The following CAMK1D variants were observed in gnomAD, a reference collection of about 807,000 sequenced individuals.
CAMK1D encodes the protein calcium/calmodulin dependent protein kinase ID.
A neutral mutation model predicts 47.7 loss-of-function variants in CAMK1D; 9 were observed. The observed-to-expected ratio is 0.19, with a 90% confidence interval of 0.11 to 0.33. The LOEUF is 0.33. Among genes scored for constraint, CAMK1D ranks in the 10% least tolerant of loss-of-function variants. The pLI is 1.00. For synonymous variants in CAMK1D, 184 were observed against 184.9 expected (o/e 0.99, Z 0.04); for missense variants, 291 against 488.7 (o/e 0.60, Z 3.81).
chr10:12,672,967 G>A (rs1840678492), intron 3 of CAMK1D, among the ~76,000 whole-genome samples: 1 of 143,950 alleles, frequency 6.9e-6, no homozygotes, highest in Non-Finnish European at 1.5e-5. Context: ...CACGATATTG[G>A]CTCACTGCAA....
chr10:12,591,554 G>A (rs1837995646), intron 2 of CAMK1D, among the ~76,000 whole-genome samples: 1 of 152,204 alleles, frequency 6.6e-6, no homozygotes, highest in Admixed American at 6.5e-5. Context: ...TGAATAAATA[G>A]CTTCGGCTTT....
chr10:12,491,052 C>G (rs1406570179), intron 1 of CAMK1D, among the ~76,000 whole-genome samples: 4 of 152,094 alleles, frequency 2.6e-5, no homozygotes, highest in Admixed American at 6.6e-5. Flanking sequence ...TGTGCAGATG[C>G]TGGGGATTTG....
chr10:12,827,512 TTC>T lies in CAMK1D; in HGVS notation c.1040-1255_1040-1254del, dbSNP rs1393225802. Reference sequence around the variant, plus strand: ...TTTCTTTCTTTCTTTCTTTCTTTCTTTCTTTCTTTCTTTCTTTCTTTCTTTCT... The same window carrying T: ...TTTCTTTCTTTCTTTCTTTCTTTCTTTTTCTTTCTTTCTTTCTTTCTTTCT... On this transcript the variant is annotated intron_variant, in intron 10 of 10. Coordinates refer to ENST00000619168, the MANE Select transcript of CAMK1D (RefSeq NM_153498.4). Among the ~76,000 whole-genome samples the T allele has an allele frequency of 1.1e-4, 2 of 18,542 alleles. 1 individual carries two copies. The highest frequency in any genetic ancestry group is 3.2e-4 in the African/African-American group (2 of 6,194). The allele number at this position is 18,542 out of a possible 152,430, so 12.2% of individuals were successfully genotyped here.
chr10:12,622,691 C>T lies in CAMK1D; in HGVS notation c.225-44045C>T, dbSNP rs140496884. On this transcript the variant is annotated intron_variant, in intron 2 of 10. Coordinates refer to ENST00000619168, the MANE Select transcript of CAMK1D (RefSeq NM_153498.4). ...TCCTTAATCCATGTGCTCTTGGTCT[C>T]CCTGAAAGGAGACAAACGCTGCCCT... Among the ~76,000 whole-genome samples the T allele has an allele frequency of 7.2e-5, 11 of 152,250 alleles. No homozygotes were observed. In the East Asian group the frequency reaches 2.1e-3, roughly 29 times the overall value.
intron 3 of CAMK1D, among the ~76,000 whole-genome samples, chr10:12,751,299 A>G (rs1414489947): frequency 1.3e-5 from 2 of 152,112 alleles, no homozygotes; most frequent in Non-Finnish European, 2.9e-5. Flanking sequence ...TCTGTCACCC[A>G]TGCTGGAGTG....
intron 1 of CAMK1D, among the ~76,000 whole-genome samples, chr10:12,478,791 T>C (rs1335505275): frequency 4.6e-5 from 7 of 152,152 alleles, no homozygotes; most frequent in Middle Eastern, 3.2e-3. Context: ...CTCTCTCTCA[T>C]GCTCTCCTTT....
intron 1 of CAMK1D, among the ~76,000 whole-genome samples, chr10:12,416,193 A>G (rs901872790): frequency 1.3e-5 from 2 of 152,082 alleles, no homozygotes; most frequent in African/African-American, 4.8e-5. Flanking sequence ...TAGGAGATAC[A>G]GAATAATCTC....
At chr10:12,630,016 G>C (rs142726929) in intron 2 of CAMK1D, among the ~76,000 whole-genome samples, 291 of 152,318 alleles carry the variant, frequency 1.9e-3, no homozygotes, top group African/African-American at 6.9e-3. Flanking sequence ...AGGTCAGAAG[G>C]ACAGTGGGAC....
intron 3 of CAMK1D, among the ~76,000 whole-genome samples, chr10:12,682,185 A>T (rs977061119): frequency 6.6e-6 from 1 of 152,178 alleles, no homozygotes; most frequent in African/African-American, 2.4e-5. Context: ...GCGTCACTGC[A>T]CTCCAGCCTG....
At chr10:12,752,655 A>G (rs1401838761) in intron 3 of CAMK1D, among the ~76,000 whole-genome samples, 1 of 152,230 alleles carries the variant, frequency 6.6e-6, no homozygotes, top group East Asian at 1.9e-4. Context: ...AATTAAAGGC[A>G]TCTTTTAGGC....
At chr10:12,425,540 C>T (rs969219363) in intron 1 of CAMK1D, among the ~76,000 whole-genome samples, 6 of 152,152 alleles carry the variant, frequency 3.9e-5, no homozygotes, top group African/African-American at 1.4e-4. Flanking sequence ...CCTCGGCCTC[C>T]CAACGTGCTG....
intron 2 of CAMK1D, among the ~76,000 whole-genome samples, chr10:12,657,252 C>T (rs531203322): frequency 1.3e-5 from 2 of 152,134 alleles, no homozygotes; most frequent in South Asian, 2.1e-4. Flanking sequence ...TGGTGAAACC[C>T]CGTCTCTACT....
At chr10:12,769,525 T>G (rs1836937002) in intron 4 of CAMK1D, 148 bp from the exon 5 acceptor site, 2 of 757,272 alleles carry the variant, frequency 2.6e-6, no homozygotes, top group African/African-American at 1.8e-5. Flanking sequence ...CTGTTTCTAT[T>G]GGCCGCCGCT....
At chr10:12,642,806 C>T (rs1477026426) in intron 2 of CAMK1D, among the ~76,000 whole-genome samples, 4 of 151,882 alleles carry the variant, frequency 2.6e-5, no homozygotes, top group African/African-American at 7.3e-5. Context: ...TCATTTCCAG[C>T]GAGTGTTGGG....
At chr10:12,813,011 T>A (rs573138332) in intron 6 of CAMK1D, among the ~76,000 whole-genome samples, 1 of 152,344 alleles carries the variant, frequency 6.6e-6, no homozygotes, top group East Asian at 1.9e-4. Flanking sequence ...GAAATGAGAA[T>A]CCATGACTTT....
At chr10:12,387,397 T>TC (rs199871181) in intron 1 of CAMK1D, among the ~76,000 whole-genome samples, 1 of 83,754 alleles carries the variant, frequency 1.2e-5, no homozygotes, top group East Asian at 3.3e-4. Context: ...ATATTATATA[T>TC]TTTTATATAT....
Position 12,447,713 on chromosome 10 carries a change from T to C in CAMK1D, c.92+97803T>C, listed in dbSNP as rs12262488. ...TGAGATCCTATTTCAAAAAAAAATA[T>C]TGATTTTAAGTTAATTTTGTAGTTC... On this transcript the variant is annotated intron_variant, in intron 1 of 10. Transcript: ENST00000619168. Among the ~76,000 whole-genome samples, 285 of 152,274 alleles carry C rather than the reference T, an allele frequency of 1.9e-3. 3 individuals carry two copies. The highest frequency in any genetic ancestry group is 6.3e-3 in the African/African-American group (263 of 41,558).
chr10:12,547,682 T>TTTCTCTCTCTCACACA, intron 1 of CAMK1D, among the ~76,000 whole-genome samples: 1 of 116,576 alleles, frequency 8.6e-6, no homozygotes, highest in East Asian at 2.5e-4. Context: ...TTTCTCTCTC[T>TTTCTCTCTCTCACACA]CACACACACA....
intron 3 of CAMK1D, among the ~76,000 whole-genome samples, chr10:12,743,282 G>A (rs967381732): frequency 7.9e-5 from 12 of 151,184 alleles, no homozygotes; most frequent in African/African-American, 2.9e-4. Flanking sequence ...AGGAGGCAGA[G>A]GTTGCAGTGA....
Sources: gnomAD v4.1 joint callset for allele counts (sites outside exome capture counted in the v4.1 genomes callset) on GRCh38, gnomAD v4.1.1 for gene constraint, MANE v1.5 for transcripts, NCBI Gene and HGNC (gene_info 2026-07-23, HGNC 2026-07-21) for gene names.